The following BRMS1L variants were observed in gnomAD, a reference collection of about 807,000 sequenced individuals.
The protein encoded by BRMS1L is BRMS1 like transcriptional repressor.
BRMS1L carries 23 observed loss-of-function variants against 50.3 expected under a neutral mutation model. The observed-to-expected ratio is 0.46, with a 90% CI of 0.33 to 0.65. BRMS1L has a LOEUF of 0.65. Ranked by LOEUF, BRMS1L falls within the 30% of genes least tolerant of loss-of-function variation. The pLI is 0.02. For missense variants in BRMS1L, 286 were observed against 386.1 expected (o/e 0.74, Z 2.17); for synonymous variants, 114 against 126.9 (o/e 0.90, Z 0.69).
At position 35,826,356 on chromosome 14, in the gene BRMS1L, C is replaced by A; in HGVS notation, c.-161C>A. Reference sequence around the variant, plus strand: ...CAATGGCAGAGCTCCCATCGCAGAGCCTGCGGGTTAGGTTGTGAGGCCCGG... The same window carrying A: ...CAATGGCAGAGCTCCCATCGCAGAGACTGCGGGTTAGGTTGTGAGGCCCGG... On this transcript the variant is annotated 5_prime_UTR_variant, in exon 1 of 10. Transcript: ENST00000216807. 2 of 1,059,532 alleles carry A rather than the reference C, an allele frequency of 1.9e-6. No homozygotes were observed. Among genetic ancestry groups the A allele is most frequent in the Non-Finnish European group, 2.7e-6 (2 of 743,852 alleles). The allele number at this position is 1,059,532 out of a possible 1,614,324, so 65.6% of individuals were successfully genotyped here.
At chr14:35,855,283 G>T (rs2078265619) in intron 4 of BRMS1L, among the ~76,000 whole-genome samples, 1 of 152,088 alleles carries the variant, frequency 6.6e-6, no homozygotes, top group Non-Finnish European at 1.5e-5. Context: ...TAGAGATGGG[G>T]GTCTTGCTAT....
intron 4 of BRMS1L, among the ~76,000 whole-genome samples, chr14:35,837,551 TTTC>T (rs772579567): frequency 7.9e-5 from 12 of 152,094 alleles, no homozygotes; most frequent in African/African-American, 9.7e-5. Context: ...CTTTGCTCTT[TTTC>T]TTCTTCTTTT....
At chr14:35,870,056 GT>G (rs61062353) in intron 9 of BRMS1L, among the ~76,000 whole-genome samples, 2,175 of 136,332 alleles carry the variant, frequency 0.016, 27 homozygotes, top group African/African-American at 0.041. Flanking sequence ...TTTAGCTCCA[GT>G]TTTTTTTTTT....
At chr14:35,848,976 A>T (rs754740409) in intron 4 of BRMS1L, among the ~76,000 whole-genome samples, 1 of 152,136 alleles carries the variant, frequency 6.6e-6, no homozygotes, top group Non-Finnish European at 1.5e-5. Flanking sequence ...CTTTGGATAT[A>T]TACCTAGAAG....
intron 4 of BRMS1L, among the ~76,000 whole-genome samples, chr14:35,845,588 A>G (rs1306311221): frequency 6.6e-6 from 1 of 152,196 alleles, no homozygotes; most frequent in Non-Finnish European, 1.5e-5. Flanking sequence ...AGTGAGATTT[A>G]ATTGTCAATT....
At chr14:35,868,359 A>G (rs568128416) in intron 9 of BRMS1L, among the ~76,000 whole-genome samples, 1 of 152,336 alleles carries the variant, frequency 6.6e-6, no homozygotes, top group African/African-American at 2.4e-5. Flanking sequence ...GACTATTATG[A>G]ATTTTTGGTG....
intron 4 of BRMS1L, among the ~76,000 whole-genome samples, chr14:35,848,873 A>G (rs2078172051): frequency 6.6e-6 from 1 of 152,208 alleles, no homozygotes; most frequent in Admixed American, 6.5e-5. Context: ...GACACTTAAC[A>G]TTTCATCAAT....
At chr14:35,859,107 A>AT (rs1039704186) in intron 4 of BRMS1L, among the ~76,000 whole-genome samples, 1 of 151,356 alleles carries the variant, frequency 6.6e-6, no homozygotes, top group African/African-American at 2.4e-5. Flanking sequence ...CGCCCGGCTT[A>AT]TTTTTTCCTT....
chr14:35,857,984 A>G (rs1440075274), intron 4 of BRMS1L, among the ~76,000 whole-genome samples: 1 of 150,328 alleles, frequency 6.7e-6, no homozygotes, highest in Non-Finnish European at 1.5e-5. Context: ...CAAAATAAAG[A>G]GCATGTTACC....
In BRMS1L at chr14:35,826,567, G is replaced by A; in HGVS notation, c.51G>A (p.Glu17=). The change falls in exon 1 of 10, where the codon GAG becomes GAA. Residue 17 remains glutamate, a synonymous_variant. Coordinates refer to ENST00000216807, the MANE Select transcript of BRMS1L (RefSeq NM_032352.4). ...AGAAGGAGACCAACCATCACGATGAGATGGAGGTGGACTACGCCGAAAATG... is the reference window on the plus strand; with the variant it reads ...AGAAGGAGACCAACCATCACGATGAAATGGAGGTGGACTACGCCGAAAATG... ...GDKKETNHHD[E]MEVDYAENEG... 1 of 1,608,092 alleles carries A rather than the reference G, an allele frequency of 6.2e-7. No individual in the cohort carries two copies. The highest frequency in any genetic ancestry group is 1.1e-5 in the South Asian group (1 of 89,500).
chr14:35,849,850 C>T (rs929162357), intron 4 of BRMS1L, among the ~76,000 whole-genome samples: 1 of 151,374 alleles, frequency 6.6e-6, no homozygotes, highest in Non-Finnish European at 1.5e-5. Context: ...CACAGAGTGT[C>T]GTTCTGTCAC....
chr14:35,845,168 G>A (rs1435052297), intron 4 of BRMS1L, among the ~76,000 whole-genome samples: 1 of 152,058 alleles, frequency 6.6e-6, no homozygotes, highest in East Asian at 1.9e-4. Context: ...AATGTCATTT[G>A]TGAATAATAG....
intron 7 of BRMS1L, 110 bp from the exon 8 acceptor site, chr14:35,865,612 T>G: frequency 1.2e-6 from 1 of 831,054 alleles, no homozygotes; most frequent in Non-Finnish European, 1.9e-6. Context: ...CTTTACTGTC[T>G]TTGTTATGGA....
chr14:35,838,662 T>A (rs2078023484), intron 4 of BRMS1L, among the ~76,000 whole-genome samples: 3 of 152,370 alleles, frequency 2.0e-5, no homozygotes, highest in Admixed American at 6.5e-5. Flanking sequence ...GTTGGCTGCA[T>A]AAATGTCTTC....
chr14:35,857,037 T>A (rs867089101), intron 4 of BRMS1L, among the ~76,000 whole-genome samples: 1 of 152,008 alleles, frequency 6.6e-6, no homozygotes, highest in Middle Eastern at 3.4e-3. Flanking sequence ...GGTCAGGAGT[T>A]TGTGACCAGC....
In BRMS1L at chr14:35,837,320, A is replaced by T. The variant is rs561151330; in HGVS notation, c.441+2397A>T. Among the ~76,000 whole-genome samples the T allele has an allele frequency of 5.3e-5, 8 of 152,310 alleles. No individual in the cohort carries two copies. In the South Asian group the frequency reaches 1.7e-3, roughly 32 times the overall value. The stretch of plus-strand genomic sequence containing the variant: ...TTGTGTATATGGATAGGTAATGTCA[A>T]CACTATTTATTACATACACCCTTGT... On this transcript the variant is annotated intron_variant, in intron 4 of 9. Coordinates refer to ENST00000216807, the MANE Select transcript of BRMS1L (RefSeq NM_032352.4).
Position 35,826,712 on chromosome 14 carries a change from C to T in BRMS1L, c.142+54C>T, listed in dbSNP as rs2077849161. ...TCCCCGCGCCCAGCGCGCGACAGGCCGCTCTCCGCACGCCAGGCGGCTGCG... is the reference window on the plus strand; with the variant it reads ...TCCCCGCGCCCAGCGCGCGACAGGCTGCTCTCCGCACGCCAGGCGGCTGCG... On this transcript the variant is annotated intron_variant, in intron 1 of 9. Coordinates refer to ENST00000216807, the MANE Select transcript of BRMS1L (RefSeq NM_032352.4). The T allele has an allele frequency of 3.1e-6, 5 of 1,593,834 alleles. No individual in the cohort carries two copies. In the South Asian group the frequency reaches 4.5e-5, roughly 14 times the overall value.
At chr14:35,860,796 G>C (rs2078340661) in intron 4 of BRMS1L, among the ~76,000 whole-genome samples, 2 of 152,184 alleles carry the variant, frequency 1.3e-5, no homozygotes, top group Admixed American at 6.5e-5. Context: ...GCTTTTTAAA[G>C]CTCTCCTGAT....
chr14:35,826,353 G>C lies in BRMS1L; in HGVS notation c.-164G>C. 9.6e-7 allele frequency: 1 copy of C among 1,037,148 alleles called. No individual in the cohort carries two copies. The highest frequency in any genetic ancestry group is 1.4e-6 in the Non-Finnish European group (1 of 725,814). 64.2% of individuals were successfully genotyped at this position (1,037,148 alleles called of 1,614,324 possible). A position where few individuals can be genotyped will look rare whatever the true frequency, so the allele number is the denominator to read the frequency against. ...CGCCAATGGCAGAGCTCCCATCGCAGAGCCTGCGGGTTAGGTTGTGAGGCC... is the reference window on the plus strand; with the variant it reads ...CGCCAATGGCAGAGCTCCCATCGCACAGCCTGCGGGTTAGGTTGTGAGGCC... On this transcript the variant is annotated 5_prime_UTR_variant, in exon 1 of 10. Transcript: ENST00000216807.
Sources: gnomAD v4.1 joint callset for allele counts (sites outside exome capture counted in the v4.1 genomes callset) on GRCh38, gnomAD v4.1.1 for gene constraint, MANE v1.5 for transcripts, NCBI Gene and HGNC (gene_info 2026-07-23, HGNC 2026-07-21) for gene names.